Variants in CENPE observed in about 807,000 individuals in gnomAD.
CENPE encodes centromere protein E, also known as centromere-associated protein E.
In CENPE, 145 loss-of-function variants were observed where a neutral mutation model predicts 336.1. The observed-to-expected ratio is 0.43, with a 90% confidence interval of 0.38 to 0.50. CENPE has a LOEUF of 0.50. CENPE is among the 20% of genes least tolerant of loss of function. The probability of loss-of-function intolerance (pLI) is 0.00; values close to 1 mark genes in which losing one functional copy is unlikely to be tolerated. For synonymous variants in CENPE, 1,013 were observed against 984.8 expected (o/e 1.03, Z -0.54); for missense variants, 2,719 against 3,023.3 (o/e 0.90, Z 2.36).
chr4:103,139,050 T>A (rs1172154045), intron 38 of CENPE, among the ~76,000 whole-genome samples: 3 of 149,954 alleles, frequency 2.0e-5, no homozygotes, highest in Admixed American at 2.0e-4. Flanking sequence ...TAGTCATATA[T>A]TCTTCCCAGC....
In CENPE at chr4:103,120,311, G is replaced by C; in HGVS notation, c.7166C>G (p.Ser2389Ter). 6.2e-7 allele frequency: 1 copy of C among 1,607,170 alleles called. No homozygotes were observed. The highest frequency in any genetic ancestry group is 8.5e-7 in the Non-Finnish European group (1 of 1,178,420). The change falls in exon 44 of 49, where the codon TCA becomes TGA. Residue 2389 changes from serine to a stop codon, truncating the protein, a stop_gained. Coordinates refer to ENST00000265148, the MANE Select transcript of CENPE (RefSeq NM_001813.3). LOFTEE classifies it high-confidence loss of function. ...TTEKIRELEN[S>*]LHEAKESAMH... ...AGCACTTTCTTTAGCTTCATGCAGT[G>C]AATTTTCCAGCTCTCGAATTTTCTA... is the stretch of plus-strand genomic sequence containing the variant.
intron 42 of CENPE, among the ~76,000 whole-genome samples, chr4:103,130,985 CA>C (rs1553926208): frequency 2.8e-5 from 4 of 142,842 alleles, no homozygotes; most frequent in Non-Finnish European, 6.1e-5. Flanking sequence ...AAATGTAAAA[CA>C]AAAACTATGG....
chr4:103,136,299 G>C lies in CENPE; in HGVS notation c.6364C>G (p.Leu2122Val). 1.2e-6 allele frequency: 2 copies of C among 1,613,260 alleles called. No homozygotes were observed. Among genetic ancestry groups the C allele is most frequent in the Non-Finnish European group, 1.7e-6 (2 of 1,179,790 alleles). ...AATTCAATTTCCTTCTCCAAGTCAA[G>C]AGACAATCTATTCAAGCACTCATAA... Reference protein sequence around the residue: ...DHYECLNRLSLDLEKEIEFQK... With the variant: ...DHYECLNRLSVDLEKEIEFQK... The change falls in exon 40 of 49, where the codon CTT becomes GTT. Residue 2122 changes from leucine to valine, a missense_variant. Physicochemically the swap from Leu to Val is conservative, Grantham distance 32. Coordinates refer to ENST00000265148, the MANE Select transcript of CENPE (RefSeq NM_001813.3).
In CENPE at chr4:103,140,869, G is replaced by A. The variant is rs1465638131; in HGVS notation, c.5699C>T (p.Thr1900Ile). Residue 1900 changes from threonine to isoleucine, a missense_variant, in exon 36 of 49, where the codon ACA (threonine) becomes ATA (isoleucine). Coordinates refer to ENST00000265148, the MANE Select transcript of CENPE (RefSeq NM_001813.3). Reference protein sequence around the residue: ...ERDNLRRVEETLKLERDQLKE... With the variant: ...ERDNLRRVEEILKLERDQLKE... ...GAGTTGGTCTCTCTCCAGTTTGAGT[G>A]TCTCCTCTACTCTTCTTAGATTATC... 3 of 1,607,486 alleles carry A rather than the reference G, an allele frequency of 1.9e-6. No individual in the cohort carries two copies. Among genetic ancestry groups the A allele is most frequent in the South Asian group, 1.1e-5 (1 of 89,296 alleles).
chr4:103,141,891 CTCT>C lies in CENPE; in HGVS notation c.5319_5321del (p.Glu1775del), dbSNP rs774807973. The C allele has an allele frequency of 5.6e-6, 9 of 1,595,452 alleles. No homozygotes were observed. In the East Asian group the frequency reaches 2.0e-4, roughly 36 times the overall value. On this transcript the variant is annotated inframe_deletion, in exon 35 of 49. Transcript: ENST00000265148. ...GATGCATGTGAGCAATTCTTAGTTC[CTCT>C]TGTATTTTCAGATCCTTTACCATTA...
In CENPE at chr4:103,153,189, T is replaced by C. The variant is rs1343952357; in HGVS notation, c.3095A>G (p.Asp1032Gly). Residue 1032 changes from aspartate (D) to glycine (G), a missense_variant, in exon 25 of 49, where the codon GAT becomes GGT. Around this residue, in one of 5 missense-constraint regions of CENPE, gnomAD observed 2,437 missense variants for 2,513.3 expected, o/e 0.97. Transcript: ENST00000265148. ...EAKNTQTLTADVKDNEIIEQQ... is the reference protein window; with the variant it reads ...EAKNTQTLTAGVKDNEIIEQQ... ...CTCAATTATCTCATTATCCTTAACATCTGCAGTTAGTGTTTGGGTATTTTT... is the reference window on the plus strand; with the variant it reads ...CTCAATTATCTCATTATCCTTAACACCTGCAGTTAGTGTTTGGGTATTTTT... 12 of 1,613,036 alleles carry C rather than the reference T, an allele frequency of 7.4e-6. No homozygotes were observed. Among genetic ancestry groups the C allele is most frequent in the Admixed American group, 1.7e-5 (1 of 59,890 alleles).
chr4:103,116,958 TA>T (rs1186326193), intron 44 of CENPE, among the ~76,000 whole-genome samples: 2 of 152,130 alleles, frequency 1.3e-5, no homozygotes, highest in African/African-American at 2.4e-5. Flanking sequence ...TTAAAATAAA[TA>T]TTTTTTTTCT....
At position 103,145,549 on chromosome 4, in the gene CENPE, C is replaced by T. The variant is rs372628159; in HGVS notation, c.4546G>A (p.Ala1516Thr). ...TTGTTCTGTAATTTATCATTGATTG[C>T]TTCTAACTGCTTTTGAATGGTTGAT... is the stretch of plus-strand genomic sequence containing the variant. ...EISTIQKQLEAINDKLQNKIQ... is the reference protein window; with the variant it reads ...EISTIQKQLETINDKLQNKIQ... The change falls in exon 31 of 49, where the codon GCA becomes ACA. Residue 1516 changes from alanine (A) to threonine (T), a missense_variant. Ala to Thr is a moderately conservative substitution (Grantham distance 58). Around this residue, in one of 5 missense-constraint regions of CENPE, gnomAD observed 2,437 missense variants for 2,513.3 expected, o/e 0.97. Transcript: ENST00000265148. 14 of 1,606,628 alleles carry T rather than the reference C, an allele frequency of 8.7e-6. No homozygotes were observed. The highest frequency in any genetic ancestry group is 7.9e-5 in the South Asian group (7 of 89,040).
chr4:103,158,746 A>G lies in CENPE; in HGVS notation c.2742T>C (p.Thr914=), dbSNP rs891720379. 1.2e-6 allele frequency: 2 copies of G among 1,613,178 alleles called. No homozygotes were observed. Among genetic ancestry groups the G allele is most frequent in the Non-Finnish European group, 1.7e-6 (2 of 1,179,472 alleles). The change falls in exon 23 of 49, where the codon ACT becomes ACC. Residue 914 remains threonine (T), a synonymous_variant. Coordinates refer to ENST00000265148, the MANE Select transcript of CENPE (RefSeq NM_001813.3). ...CTTCTAAAGTTTGCTGCAGTTTCTC[A>G]GTAATCAGTGTTTTCTCCCTTTCTA... The part of the protein sequence containing the change: ...QTVEREKTLI[T]EKLQQTLEEV...
rs769138961 is a variant in CENPE, at chr4:103,108,838, C to T, written c.7976G>A (p.Arg2659His). The T allele has an allele frequency of 5.6e-6, 9 of 1,613,606 alleles. No homozygotes were observed. The highest frequency in any genetic ancestry group is 4.5e-5 in the East Asian group (2 of 44,840). The change falls in exon 48 of 49, where the codon CGC (arginine) becomes CAC (histidine). Residue 2659 changes from arginine to histidine, a missense_variant. Arg to His is a conservative substitution (Grantham distance 29). Coordinates refer to ENST00000265148, the MANE Select transcript of CENPE (RefSeq NM_001813.3). Reference sequence around the variant, plus strand: ...GCCTAAACTTGAGTTATCAAAATAGCGAACTGGATGAGGTGATGGTAAAGA... The same window carrying T: ...GCCTAAACTTGAGTTATCAAAATAGTGAACTGGATGAGGTGATGGTAAAGA... ...SKSLPSPHPV[R>H]YFDNSSLGLC... is the part of the protein sequence containing the mutation.
At chr4:103,158,192 T>C (rs1754118899) in intron 24 of CENPE, 108 bp downstream of exon 24, 1 of 757,520 alleles carries the variant, frequency 1.3e-6, no homozygotes, top group African/African-American at 1.8e-5. Flanking sequence ...TGTTAGTTAT[T>C]ACCATTGTGA....
At chr4:103,177,263 G>A (rs1314107212) in intron 13 of CENPE, among the ~76,000 whole-genome samples, 1 of 148,098 alleles carries the variant, frequency 6.8e-6, no homozygotes. Context: ...TTCCTACTTT[G>A]TCCTCCTCAT....
At chr4:103,191,092 A>G (rs929693050) in intron 8 of CENPE, among the ~76,000 whole-genome samples, 6 of 152,188 alleles carry the variant, frequency 3.9e-5, no homozygotes, top group African/African-American at 9.6e-5. Flanking sequence ...CAAAACCACA[A>G]TGAGATACCA....
At chr4:103,197,560 A>T (rs1009713265) in intron 1 of CENPE, among the ~76,000 whole-genome samples, 1 of 152,152 alleles carries the variant, frequency 6.6e-6, no homozygotes, top group Non-Finnish European at 1.5e-5. Flanking sequence ...CATTTATTAA[A>T]CCCCGTGTTC....
chr4:103,115,857 A>G (rs1280353996), intron 45 of CENPE, among the ~76,000 whole-genome samples: 1 of 151,748 alleles, frequency 6.6e-6, no homozygotes, highest in Non-Finnish European at 1.5e-5. Context: ...CAGCCTCCCA[A>G]GTAGCTGGGA....
intron 12 of CENPE, 94 bp from the exon 13 acceptor site, chr4:103,180,563 T>C (rs960386299): frequency 5.1e-6 from 4 of 787,286 alleles, no homozygotes; most frequent in Non-Finnish European, 7.5e-6. Flanking sequence ...TAAATTTGTA[T>C]ATGAACTATA....
rs1448566498 is a variant in CENPE, at chr4:103,144,514, C to T, written c.4962G>A (p.Glu1654=). Residue 1654 remains glutamate (E), a synonymous_variant, in exon 33 of 49, where the codon GAG becomes GAA. Transcript: ENST00000265148. The part of the protein sequence containing the change: ...CEIEHLKEQF[E]TQKLNLENIE... ...TGTTTTCCAGGTTTAACTTCTGGGT[C>T]TCAAATTGCTCCTTCAAGTGTTCTA... The T allele has an allele frequency of 1.2e-6, 2 of 1,613,992 alleles. No homozygotes were observed. The highest frequency in any genetic ancestry group is 1.7e-5 in the Admixed American group (1 of 60,016).
rs1756711597 is a variant in CENPE at position 103,185,723 on chromosome 4, T to A, written c.745+87A>T. ...ATTAATAATGAATATAATTACTTTA[T>A]CAATTTCTAAAAATGCCTGGTAGTA... On this transcript the variant is annotated intron_variant, in intron 9 of 48. Coordinates refer to ENST00000265148, the MANE Select transcript of CENPE (RefSeq NM_001813.3). 9.7e-6 allele frequency: 7 copies of A among 720,210 alleles called. No homozygotes were observed. In the East Asian group the frequency reaches 1.9e-4, roughly 19 times the overall value. 44.6% of individuals were successfully genotyped at this position (720,210 alleles called of 1,614,324 possible).
In CENPE at chr4:103,113,151, A is replaced by AGTATAT. The variant is rs1749704469; in HGVS notation, c.7540+1303_7540+1304insATATAC. Among the ~76,000 whole-genome samples, 6 of 57,078 alleles carry AGTATAT rather than the reference A, an allele frequency of 1.1e-4. 1 individual carries two copies. Among genetic ancestry groups the AGTATAT allele is most frequent in the Admixed American group, 3.7e-4 (2 of 5,354 alleles). 37.4% of individuals were successfully genotyped at this position (57,078 alleles called of 152,430 possible). A position where few individuals can be genotyped will look rare whatever the true frequency, so the allele number is the denominator to read the frequency against. ...GTGTATATATACTTATAAGTATATA[A>AGTATAT]GTGTATATATACTTATAAGTATATA... On this transcript the variant is annotated intron_variant, in intron 46 of 48. Transcript: ENST00000265148.
Sources: allele counts gnomAD v4.1 joint callset (sites outside exome capture counted in the v4.1 genomes callset), GRCh38; gene constraint gnomAD v4.1.1; regional missense constraint gnomAD v4.1.1; transcripts MANE v1.5; gene names NCBI Gene and HGNC (gene_info 2026-07-23, HGNC 2026-07-21).